PRR11: variants seen among roughly 807,000 people sequenced by gnomAD.
The protein encoded by PRR11 is proline-rich protein 11.
In PRR11, 30 loss-of-function variants were observed where a neutral mutation model predicts 45.6. The ratio of observed to expected loss-of-function variants is 0.66; its 90% CI spans 0.49 to 0.89. PRR11 has a LOEUF of 0.89. Ranked by LOEUF, PRR11 falls within the 40% of genes least tolerant of loss-of-function variation. The probability of loss-of-function intolerance (pLI) is 0.00; values close to 1 mark genes in which losing one functional copy is unlikely to be tolerated. For missense variants in PRR11, 373 were observed against 424.8 expected (o/e 0.88, Z 1.07); for synonymous variants, 128 against 153.5 (o/e 0.83, Z 1.23).
In PRR11 at chr17:59,162,885, G is replaced by A. The variant is rs147812888; in HGVS notation, c.-5-6863G>A. On this transcript the variant is annotated intron_variant, in intron 1 of 9. Coordinates refer to ENST00000262293, the MANE Select transcript of PRR11 (RefSeq NM_018304.4). ...TGGGATTACTGGCATGCACCACCAC[G>A]CCCGGCTAATTTTTGTATTTTTTTA... Among the ~76,000 whole-genome samples, 947 of 146,118 alleles carry A rather than the reference G, an allele frequency of 6.5e-3. 12 individuals are homozygous for A. The highest frequency in any genetic ancestry group is 0.024 in the African/African-American group (919 of 38,844).
chr17:59,200,920 C>T (rs1479212198), intron 9 of PRR11, among the ~76,000 whole-genome samples: 1 of 152,020 alleles, frequency 6.6e-6, no homozygotes, highest in Non-Finnish European at 1.5e-5. Context: ...CCACCGTCCT[C>T]GGCCCACAAC....
chr17:59,196,972 C>T (rs1050158896), intron 7 of PRR11, among the ~76,000 whole-genome samples: 1 of 152,036 alleles, frequency 6.6e-6, no homozygotes, highest in Non-Finnish European at 1.5e-5. Flanking sequence ...CCTCAGCCTC[C>T]CGAGTAGCTG....
intron 2 of PRR11, chr17:59,179,831 CT>C: frequency 2.2e-6 from 3 of 1,348,670 alleles, no homozygotes; most frequent in Non-Finnish European, 3.1e-6. Flanking sequence ...CTCCCTCTTC[CT>C]TTTCCAGCAA....
At chr17:59,165,005 TTTTTG>T (rs1330748467) in intron 1 of PRR11, among the ~76,000 whole-genome samples, 1 of 151,760 alleles carries the variant, frequency 6.6e-6, no homozygotes, top group African/African-American at 2.4e-5. Flanking sequence ...TTATCTTGCG[TTTTTG>T]TTTTGTTTTT....
intron 6 of PRR11, 54 bp from the exon 7 acceptor site, chr17:59,195,276 AT>A: frequency 7.2e-7 from 1 of 1,386,914 alleles, no homozygotes; most frequent in Non-Finnish European, 1.0e-6. Flanking sequence ...GCATGTTTAC[AT>A]TTTGAGTGAT....
At chr17:59,176,894 G>C (rs1177404458) in intron 2 of PRR11, among the ~76,000 whole-genome samples, 7 of 151,628 alleles carry the variant, frequency 4.6e-5, no homozygotes, top group Admixed American at 3.9e-4. Flanking sequence ...ATGGGGTTTT[G>C]CCATGTTAGT....
intron 1 of PRR11, among the ~76,000 whole-genome samples, chr17:59,168,739 G>A (rs2046691806): frequency 6.6e-6 from 1 of 152,080 alleles, no homozygotes. Flanking sequence ...CTTAGATTTG[G>A]GGTAATTGTT....
intron 1 of PRR11, among the ~76,000 whole-genome samples, chr17:59,166,674 A>G (rs1173772530): frequency 6.6e-6 from 1 of 152,106 alleles, no homozygotes; most frequent in African/African-American, 2.4e-5. Context: ...AAGAACAGAT[A>G]TATTTATATA....
rs1273109343 is a variant in PRR11 at position 59,204,885 on chromosome 17, G to A, written c.*3254G>A. 2.6e-5 allele frequency among the ~76,000 whole-genome samples: 4 copies of A among 151,684 alleles called. No individual in the cohort carries two copies. The highest frequency in any genetic ancestry group is 4.4e-5 in the Non-Finnish European group (3 of 67,920). On this transcript the variant is annotated 3_prime_UTR_variant, in exon 10 of 10. Coordinates refer to ENST00000262293, the MANE Select transcript of PRR11 (RefSeq NM_018304.4). ...CTCTACAAAAAACGAAAAATTAGCC[G>A]GGAGCGGTGATGTGTGCCTGTAGTC...
chr17:59,180,432 C>T (rs1009802997), intron 2 of PRR11, among the ~76,000 whole-genome samples: 3 of 150,448 alleles, frequency 2.0e-5, no homozygotes, highest in African/African-American at 7.4e-5. Context: ...CACCCTGCCT[C>T]AGTCCCTCCA....
chr17:59,181,235 G>A lies in PRR11; in HGVS notation c.129-3819G>A, dbSNP rs1249955668. On this transcript the variant is annotated intron_variant, in intron 2 of 9. Transcript: ENST00000262293. ...GATCTCCTGACCTCGTAATCCGCCCGCCTCGGCCTCCGAAAGTGCTGGGAT... is the reference window on the plus strand; with the variant it reads ...GATCTCCTGACCTCGTAATCCGCCCACCTCGGCCTCCGAAAGTGCTGGGAT... Among the ~76,000 whole-genome samples the A allele has an allele frequency of 1.8e-4, 28 of 151,596 alleles. 2 individuals are homozygous for A. The highest frequency in any genetic ancestry group is 3.4e-3 in the Middle Eastern group (1 of 294).
At chr17:59,201,033 T>G (rs374467350) in intron 9 of PRR11, among the ~76,000 whole-genome samples, 1 of 152,216 alleles carries the variant, frequency 6.6e-6, no homozygotes, top group East Asian at 1.9e-4. Context: ...TTTCTGAGAT[T>G]TTGGCACACC....
chr17:59,169,286 C>T (rs1375541762), intron 1 of PRR11, among the ~76,000 whole-genome samples: 2 of 151,698 alleles, frequency 1.3e-5, no homozygotes, highest in Admixed American at 6.6e-5. Flanking sequence ...TTAGTAGAGA[C>T]GGGGTTTCTC....
At chr17:59,182,366 C>G (rs953042304) in intron 2 of PRR11, among the ~76,000 whole-genome samples, 1 of 144,228 alleles carries the variant, frequency 6.9e-6, no homozygotes, top group Admixed American at 7.0e-5. Context: ...TCCTCAGGTT[C>G]TCCTTCCTGA....
chr17:59,197,602 A>G lies in PRR11; in HGVS notation c.916A>G (p.Arg306Gly). 1 of 1,613,316 alleles carries G rather than the reference A, an allele frequency of 6.2e-7. No individual in the cohort carries two copies. Among genetic ancestry groups the G allele is most frequent in the Non-Finnish European group, 8.5e-7 (1 of 1,179,274 alleles). ...RKLLRKVDVE[R>G]SPGGTPLTNK... ...ACTGCTTAGAAAAGTCGATGTAGAG[A>G]GGTAATACACTCTCATATCTTTATG... The change falls in exon 8 of 10, where the codon AGG becomes GGG. Residue 306 changes from arginine to glycine, a missense_variant and splice_region_variant. Transcript: ENST00000262293.
At chr17:59,158,179 C>T (rs1422191670) in intron 1 of PRR11, among the ~76,000 whole-genome samples, 1 of 151,992 alleles carries the variant, frequency 6.6e-6, no homozygotes, top group Non-Finnish European at 1.5e-5. Flanking sequence ...CTCAGCAAAC[C>T]CAAACTAAGA....
chr17:59,159,186 A>G (rs1599688020), intron 1 of PRR11, among the ~76,000 whole-genome samples: 1 of 151,510 alleles, frequency 6.6e-6, no homozygotes, highest in Admixed American at 6.6e-5. Flanking sequence ...CATTCTTTTC[A>G]CCTTCCTGGC....
At chr17:59,159,222 C>T (rs1396932984) in intron 1 of PRR11, among the ~76,000 whole-genome samples, 1 of 152,220 alleles carries the variant, frequency 6.6e-6, no homozygotes, top group Non-Finnish European at 1.5e-5. Context: ...TCTTTCTCTA[C>T]CCACTCCTTA....
chr17:59,185,423 TTTATTA>T lies in PRR11; in HGVS notation c.280-13_280-8del. The T allele has an allele frequency of 6.3e-7, 1 of 1,589,438 alleles. No homozygotes were observed. The highest frequency in any genetic ancestry group is 8.6e-7 in the Non-Finnish European group (1 of 1,167,604). On this transcript the variant is annotated splice_polypyrimidine_tract_variant and intron_variant, in intron 3 of 9. Coordinates refer to ENST00000262293, the MANE Select transcript of PRR11 (RefSeq NM_018304.4). ...ATATTACTCATAGGACTCAGAATTG[TTTATTA>T]TTAATTTCAGAGTTTAGAAGTATTG...
Sources: gnomAD v4.1 joint callset for allele counts (sites outside exome capture counted in the v4.1 genomes callset) on GRCh38, gnomAD v4.1.1 for gene constraint, MANE v1.5 for transcripts, NCBI Gene and HGNC (gene_info 2026-07-23, HGNC 2026-07-21) for gene names.